Variants in COQ8B observed in about 807,000 individuals in gnomAD.
The protein encoded by COQ8B is atypical kinase COQ8B, mitochondrial.
COQ8B carries 44 observed loss-of-function variants against 62.0 expected under a neutral mutation model. The observed-to-expected ratio is 0.71, with a 90% CI of 0.56 to 0.91. The LOEUF (loss-of-function observed/expected upper bound fraction) is 0.91. Among genes scored for constraint, COQ8B ranks in the 40% least tolerant of loss-of-function variants. The pLI, the probability that COQ8B is intolerant of heterozygous loss-of-function variation, is 0.00. For missense variants in COQ8B, 649 were observed against 731.6 expected (o/e 0.89, Z 1.30); for synonymous variants, 252 against 289.9 (o/e 0.87, Z 1.33).
intron 13 of COQ8B, among the ~76,000 whole-genome samples, chr19:40,694,915 C>T (rs751717138): frequency 4.6e-5 from 7 of 152,168 alleles, no homozygotes; most frequent in Non-Finnish European, 1.0e-4. Context: ...TCCTCACTGT[C>T]GCCTCACTGA....
In COQ8B at chr19:40,703,860, G is replaced by A. The variant is rs141467025; in HGVS notation, c.577-5C>T. ...GAGCTCCTCTTCAAGAACTCTCTGC[G>A]GGGAGTGGTCACAGCCATCATCATT... On this transcript the variant is annotated splice_polypyrimidine_tract_variant and splice_region_variant and intron_variant, in intron 7 of 14. Coordinates refer to ENST00000324464, the MANE Select transcript of COQ8B (RefSeq NM_024876.4). The A allele has an allele frequency of 1.8e-5, 29 of 1,604,230 alleles. No individual in the cohort carries two copies. The highest frequency in any genetic ancestry group is 6.7e-5 in the Admixed American group (4 of 59,548).
At chr19:40,705,932 GAAAA>G (rs982789621) in intron 5 of COQ8B, among the ~76,000 whole-genome samples, 2 of 85,194 alleles carry the variant, frequency 2.3e-5, no homozygotes, top group Non-Finnish European at 4.9e-5. Context: ...CCTGTCTCGG[GAAAA>G]AAAAAAAAAA....
chr19:40,712,789 C>G (rs1415086697), intron 4 of COQ8B, among the ~76,000 whole-genome samples: 1 of 152,246 alleles, frequency 6.6e-6, no homozygotes, highest in Non-Finnish European at 1.5e-5. Flanking sequence ...TGCACGACAT[C>G]CGGCTGTGTA....
rs950769061 is a variant in COQ8B at position 40,694,426 on chromosome 19, G to A, written c.1210-1389C>T. On this transcript the variant is annotated intron_variant, in intron 13 of 14. Coordinates refer to ENST00000324464, the MANE Select transcript of COQ8B (RefSeq NM_024876.4). ...CTGGATACAGTACGAGCTGTAGAGC[G>A]CAGCCTCTAAAATCCGCAGTGATTT... Among the ~76,000 whole-genome samples, 11 of 152,194 alleles carry A rather than the reference G, an allele frequency of 7.2e-5. No homozygotes were observed. In the East Asian group the frequency reaches 1.3e-3, roughly 19 times the overall value.
At chr19:40,705,768 C>T (rs892757296) in intron 5 of COQ8B, among the ~76,000 whole-genome samples, 6 of 151,692 alleles carry the variant, frequency 4.0e-5, no homozygotes, top group African/African-American at 1.5e-4. Flanking sequence ...AAAGCAAGAC[C>T]CTGTCTCTAA....
intron 5 of COQ8B, among the ~76,000 whole-genome samples, chr19:40,709,629 A>T (rs1426791523): frequency 3.9e-5 from 6 of 152,138 alleles, no homozygotes; most frequent in African/African-American, 1.4e-4. Context: ...GTGGATCATG[A>T]GGTCAGGAGT....
rs192602607 is a variant in COQ8B at position 40,715,582 on chromosome 19, C to T, written c.-3-947G>A. 110 of 985,574 alleles carry T rather than the reference C, an allele frequency of 1.1e-4. No homozygotes were observed. In the African/African-American group the frequency reaches 1.8e-3, roughly 16 times the overall value. 61.1% of individuals were successfully genotyped at this position (985,574 alleles called of 1,614,324 possible). On this transcript the variant is annotated intron_variant, in intron 1 of 14. Transcript: ENST00000324464. ...CCTCCTTCCTTGTGCATATAAATCC[C>T]TTGCCTTGCTTGCCAACTGTTTCCC... is the stretch of plus-strand genomic sequence containing the variant.
chr19:40,705,203 G>C (rs767810360), intron 6 of COQ8B, 22 bp from the exon 7 acceptor site: 17 of 1,612,082 alleles, frequency 1.1e-5, no homozygotes, highest in Non-Finnish European at 1.4e-5. Context: ...GTGGAACCAG[G>C]GGGGAAGTAA....
chr19:40,708,756 T>C (rs2082119204), intron 5 of COQ8B, among the ~76,000 whole-genome samples: 1 of 151,586 alleles, frequency 6.6e-6, no homozygotes, highest in African/African-American at 2.4e-5. Context: ...GGCAAAACCT[T>C]CTCTCTACAA....
chr19:40,694,517 G>T (rs1019013345), intron 13 of COQ8B, among the ~76,000 whole-genome samples: 1 of 152,132 alleles, frequency 6.6e-6, no homozygotes, highest in African/African-American at 2.4e-5. Context: ...GCTTCCTTTG[G>T]GTGCTCTAGG....
At chr19:40,698,640 GA>G (rs1476456764) in intron 12 of COQ8B, among the ~76,000 whole-genome samples, 6 of 152,164 alleles carry the variant, frequency 3.9e-5, no homozygotes, top group African/African-American at 1.4e-4. Context: ...CCTAGGAGGG[GA>G]CACAGGGTGT....
intron 4 of COQ8B, 28 bp downstream of exon 4, chr19:40,714,039 C>G: frequency 6.2e-7 from 1 of 1,613,406 alleles, no homozygotes; most frequent in Non-Finnish European, 8.5e-7. Context: ...ATTGAGGTCA[C>G]ACCAAGATCC....
chr19:40,714,045 G>T, intron 4 of COQ8B, 22 bp downstream of exon 4: 1 of 1,613,710 alleles, frequency 6.2e-7, no homozygotes, highest in Non-Finnish European at 8.5e-7. Context: ...GTCACACCAA[G>T]ATCCCCCAAA....
Position 40,705,132 on chromosome 19 carries a change from G to A in COQ8B, c.540C>T (p.Arg180=), listed in dbSNP as rs1246880417. 6.2e-7 allele frequency: 1 copy of A among 1,612,788 alleles called. No individual in the cohort carries two copies. Among genetic ancestry groups the A allele is most frequent in the Admixed American group, 1.7e-5 (1 of 59,724 alleles). ...PQLQHIFERV[R]QSADFMPRWQ... is the part of the protein sequence containing the mutation. ...AGCGGGGCATGAAGTCGGCGCTCTG[G>A]CGGACCCGCTCAAAGATGTGCTGCA... Residue 180 remains arginine, a synonymous_variant, in exon 7 of 15, where the codon CGC becomes CGT. Coordinates refer to ENST00000324464, the MANE Select transcript of COQ8B (RefSeq NM_024876.4).
chr19:40,694,391 C>T (rs1365039501), intron 13 of COQ8B, among the ~76,000 whole-genome samples: 6 of 152,310 alleles, frequency 3.9e-5, no homozygotes, highest in South Asian at 4.1e-4. Context: ...TCCACGGCTC[C>T]GCAGGGCACC....
At chr19:40,702,433 G>A (rs528946577) in intron 10 of COQ8B, among the ~76,000 whole-genome samples, 167 bp downstream of exon 10, 13 of 152,166 alleles carry the variant, frequency 8.5e-5, no homozygotes, top group Non-Finnish European at 1.6e-4. Flanking sequence ...GAGGACAAAG[G>A]GGGTAAGCGA....
At chr19:40,694,583 C>T (rs2081999263) in intron 13 of COQ8B, among the ~76,000 whole-genome samples, 1 of 152,128 alleles carries the variant, frequency 6.6e-6, no homozygotes. Flanking sequence ...CACATGGGTG[C>T]GTGTCAGAAC....
At chr19:40,695,179 G>A (rs1159013052) in intron 13 of COQ8B, among the ~76,000 whole-genome samples, 9 of 152,054 alleles carry the variant, frequency 5.9e-5, no homozygotes, top group East Asian at 1.9e-4. Context: ...TTAGCCGGGC[G>A]TGGTGGCACA....
intron 13 of COQ8B, among the ~76,000 whole-genome samples, chr19:40,694,645 C>T (rs1599924853): frequency 6.6e-6 from 1 of 152,202 alleles, no homozygotes; most frequent in South Asian, 2.1e-4. Flanking sequence ...CACAGGATCA[C>T]CAGGCTTCAC....
Sources: allele counts gnomAD v4.1 joint callset (sites outside exome capture counted in the v4.1 genomes callset), GRCh38; gene constraint gnomAD v4.1.1; transcripts MANE v1.5; gene names NCBI Gene and HGNC (gene_info 2026-07-23, HGNC 2026-07-21).